FUT9: variants seen among roughly 807,000 people sequenced by gnomAD.
FUT9 encodes the protein fucosyltransferase 9.
FUT9 carries 15 observed loss-of-function variants against 29.7 expected under a neutral mutation model. The observed-to-expected ratio is 0.51, with a 90% CI of 0.34 to 0.78. FUT9 has a LOEUF of 0.78. FUT9 is among the 30% of genes least tolerant of loss of function. The probability of loss-of-function intolerance (pLI) is 0.01; values close to 1 mark genes in which losing one functional copy is unlikely to be tolerated. For missense variants in FUT9, 319 were observed against 425.4 expected, an observed-to-expected ratio of 0.75 and a Z score of 2.20; for synonymous variants, 169 against 153.7, an observed-to-expected ratio of 1.10 and a Z score of -0.74.
Position 96,098,792 on chromosome 6 carries a change from C to T in FUT9, c.-97-15247C>T, listed in dbSNP as rs1283150083. Among the ~76,000 whole-genome samples, 6 of 152,242 alleles carry T rather than the reference C, an allele frequency of 3.9e-5. No individual in the cohort carries two copies. In the East Asian group the frequency reaches 5.8e-4, roughly 15 times the overall value. On this transcript the variant is annotated intron_variant, in intron 1 of 2. Coordinates refer to ENST00000302103, the MANE Select transcript of FUT9 (RefSeq NM_006581.4). ...CTTAACTATTCAACCCACATTTATT[C>T]ATCCTATCCACAAGGAAATCTTAGG... is the stretch of plus-strand genomic sequence containing the variant.
At chr6:96,189,128 T>C (rs1313124912) in intron 2 of FUT9, among the ~76,000 whole-genome samples, 2 of 152,042 alleles carry the variant, frequency 1.3e-5, no homozygotes, top group African/African-American at 2.4e-5. Context: ...TGGGAGACTG[T>C]CAGGAACTTT....
At chr6:96,146,656 A>C (rs1772572818) in intron 2 of FUT9, among the ~76,000 whole-genome samples, 1 of 152,248 alleles carries the variant, frequency 6.6e-6, no homozygotes, top group African/African-American at 2.4e-5. Flanking sequence ...AAGAAGGCAA[A>C]GGGATATCTC....
intron 1 of FUT9, among the ~76,000 whole-genome samples, chr6:96,055,508 T>TA (rs1280402158): frequency 1.3e-5 from 2 of 151,846 alleles, no homozygotes; most frequent in Non-Finnish European, 2.9e-5. Flanking sequence ...ATTTAGATTT[T>TA]AAAAAAATCT....
At chr6:96,046,194 A>G (rs143487659) in intron 1 of FUT9, among the ~76,000 whole-genome samples, 64 of 145,680 alleles carry the variant, frequency 4.4e-4, no homozygotes, top group Middle Eastern at 3.5e-3. Flanking sequence ...AATAATGTTT[A>G]TATACCATGA....
intron 1 of FUT9, among the ~76,000 whole-genome samples, chr6:96,108,356 T>G (rs1771732305): frequency 6.6e-6 from 1 of 152,306 alleles, no homozygotes; most frequent in African/African-American, 2.4e-5. Context: ...GCTGTACCAC[T>G]TACAAGCTGA....
At position 96,073,448 on chromosome 6, in the gene FUT9, CAAA is replaced by C. The variant is rs58982988; in HGVS notation, c.-97-40576_-97-40574del. 1.0e-2 allele frequency among the ~76,000 whole-genome samples: 611 copies of C among 61,396 alleles called. 3 individuals carry two copies. The highest frequency in any genetic ancestry group is 0.031 in the African/African-American group (571 of 18,320). 40.3% of individuals were successfully genotyped at this position (61,396 alleles called of 152,430 possible). On this transcript the variant is annotated intron_variant, in intron 1 of 2. Transcript: ENST00000302103. ...TGGGAGACAGAGTGAGACTCCGTCT[CAAA>C]AAAAAAAAAAAAAAGCATTGAAAAG... is the stretch of plus-strand genomic sequence containing the variant.
intron 2 of FUT9, among the ~76,000 whole-genome samples, chr6:96,191,762 A>T (rs572819547): frequency 2.6e-5 from 4 of 151,616 alleles, no homozygotes; most frequent in Admixed American, 2.0e-4. Context: ...AAAGCCTGGC[A>T]GAGACACAAC....
chr6:96,033,657 T>C (rs1770301962), intron 1 of FUT9, among the ~76,000 whole-genome samples: 1 of 151,678 alleles, frequency 6.6e-6, no homozygotes, highest in African/African-American at 2.4e-5. Flanking sequence ...TAGCACAGAA[T>C]ATGTTAGACA....
intron 1 of FUT9, among the ~76,000 whole-genome samples, chr6:96,096,684 A>ATGTGTGTGTG (rs1243489757): frequency 0.24 from 33,189 of 140,702 alleles, 4,288 homozygotes; most frequent in Non-Finnish European, 0.29. Context: ...TGTCTAAGGC[A>ATGTGTGTGTG]TGTGTGTGTG....
At chr6:96,085,496 A>G (rs1562119882) in intron 1 of FUT9, among the ~76,000 whole-genome samples, 1 of 152,166 alleles carries the variant, frequency 6.6e-6, no homozygotes, top group African/African-American at 2.4e-5. Flanking sequence ...TTCTAATACC[A>G]TTATCTTGAA....
At chr6:96,185,010 G>C (rs1773379388) in intron 2 of FUT9, among the ~76,000 whole-genome samples, 1 of 151,896 alleles carries the variant, frequency 6.6e-6, no homozygotes, top group Admixed American at 6.6e-5. Context: ...GTTGCCCTGA[G>C]GACCCAGTTG....
intron 1 of FUT9, among the ~76,000 whole-genome samples, chr6:96,032,503 G>T (rs762130887): frequency 6.6e-6 from 1 of 151,576 alleles, no homozygotes; most frequent in African/African-American, 2.4e-5. Flanking sequence ...AAATATGCTT[G>T]TATACTACAT....
At chr6:96,193,214 A>C (rs1773550500) in intron 2 of FUT9, among the ~76,000 whole-genome samples, 1 of 138,586 alleles carries the variant, frequency 7.2e-6, no homozygotes, top group Non-Finnish European at 1.6e-5. Context: ...GGATCTAATT[A>C]AACTAAAGAG....
At chr6:96,128,366 C>A (rs1227774251) in intron 2 of FUT9, among the ~76,000 whole-genome samples, 1 of 152,030 alleles carries the variant, frequency 6.6e-6, no homozygotes, top group African/African-American at 2.4e-5. Context: ...TAAAAATTAT[C>A]CCAATAAAGA....
intron 1 of FUT9, among the ~76,000 whole-genome samples, chr6:96,059,330 T>C (rs1770832068): frequency 6.6e-6 from 1 of 152,218 alleles, no homozygotes; most frequent in Non-Finnish European, 1.5e-5. Context: ...TTTCTCCATC[T>C]TGATCTGTGC....
chr6:96,112,643 TA>T (rs1771830922), intron 1 of FUT9, among the ~76,000 whole-genome samples: 1 of 152,184 alleles, frequency 6.6e-6, no homozygotes, highest in African/African-American at 2.4e-5. Context: ...AATCAGAACA[TA>T]ACGTTGTTTG....
At chr6:96,174,490 T>A (rs1285378206) in intron 2 of FUT9, among the ~76,000 whole-genome samples, 1 of 152,108 alleles carries the variant, frequency 6.6e-6, no homozygotes, top group East Asian at 1.9e-4. Flanking sequence ...GATTATAGAT[T>A]GGCACAGTCA....
chr6:96,157,350 G>A (rs918853357), intron 2 of FUT9, among the ~76,000 whole-genome samples: 1 of 152,034 alleles, frequency 6.6e-6, no homozygotes, highest in African/African-American at 2.4e-5. Flanking sequence ...TATTAAATGC[G>A]GTAAACTGTA....
rs77257331 is a variant in FUT9 at position 96,046,388 on chromosome 6, A to G, written c.-98+30176A>G. On this transcript the variant is annotated intron_variant, in intron 1 of 2. Transcript: ENST00000302103. ...TTCAAGGCCAACAAATTGATCACAG[A>G]CCAATTTGAAAAATATTAACCTACA... Among the ~76,000 whole-genome samples the G allele has an allele frequency of 1.8e-3, 281 of 152,318 alleles. 7 individuals are homozygous for G. The East Asian group carries it at 0.05, about 27-fold the overall frequency.
Sources: allele counts gnomAD v4.1 joint callset (sites outside exome capture counted in the v4.1 genomes callset), GRCh38; gene constraint gnomAD v4.1.1; transcripts MANE v1.5; gene names NCBI Gene and HGNC (gene_info 2026-07-23, HGNC 2026-07-21).